Variants in SAMD4A observed in about 807,000 individuals in gnomAD.
SAMD4A encodes protein Smaug homolog 1.
A neutral mutation model predicts 81.3 loss-of-function variants in SAMD4A; 33 were observed. The ratio of observed to expected loss-of-function variants is 0.41; its 90% CI spans 0.31 to 0.54. SAMD4A has a LOEUF of 0.54. Ranked by LOEUF, SAMD4A falls within the 20% of genes least tolerant of loss-of-function variation. The pLI is 0.37. For missense variants in SAMD4A, 854 were observed against 951.1 expected, an observed-to-expected ratio of 0.90 and a Z score of 1.34; for synonymous variants, 389 against 382.1, an observed-to-expected ratio of 1.02 and a Z score of -0.21.
intron 3 of SAMD4A, among the ~76,000 whole-genome samples, chr14:54,706,613 A>G (rs556906909): frequency 8.4e-5 from 12 of 142,620 alleles, no homozygotes; most frequent in South Asian, 2.2e-4. Context: ...TCAAAAAAAA[A>G]AAAGAAAGAA....
At chr14:54,568,986 A>G (rs761227128) in intron 2 of SAMD4A, among the ~76,000 whole-genome samples, 1 of 152,008 alleles carries the variant, frequency 6.6e-6, no homozygotes, top group East Asian at 1.9e-4. Flanking sequence ...GGGTGGTGAC[A>G]GACTGAAATT....
chr14:54,769,310 T>C (rs1453976049), intron 8 of SAMD4A, among the ~76,000 whole-genome samples: 1 of 152,230 alleles, frequency 6.6e-6, no homozygotes, highest in African/African-American at 2.4e-5. Context: ...TTTGACTGTC[T>C]CCTTGGGTGA....
intron 2 of SAMD4A, among the ~76,000 whole-genome samples, chr14:54,623,008 C>T (rs944353007): frequency 2.0e-5 from 3 of 152,218 alleles, no homozygotes; most frequent in Non-Finnish European, 4.4e-5. Flanking sequence ...TTTCCGTCAC[C>T]TCCACTAGAC....
At chr14:54,745,511 C>T (rs965989646) in intron 4 of SAMD4A, among the ~76,000 whole-genome samples, 1 of 152,136 alleles carries the variant, frequency 6.6e-6, no homozygotes, top group African/African-American at 2.4e-5. Context: ...CCCTAGAACC[C>T]TATGTATACT....
intron 6 of SAMD4A, among the ~76,000 whole-genome samples, chr14:54,757,493 A>G (rs1246965662): frequency 6.6e-6 from 1 of 151,506 alleles, no homozygotes; most frequent in Non-Finnish European, 1.5e-5. Context: ...TGAATGGGGC[A>G]TGCATATGTT....
At chr14:54,628,520 G>A (rs1419501895) in intron 2 of SAMD4A, among the ~76,000 whole-genome samples, 1 of 152,184 alleles carries the variant, frequency 6.6e-6, no homozygotes, top group East Asian at 1.9e-4. Flanking sequence ...TAGGCCTTCA[G>A]TAGGTGCTAT....
chr14:54,748,309 C>A (rs1177002313), intron 4 of SAMD4A, among the ~76,000 whole-genome samples: 1 of 152,202 alleles, frequency 6.6e-6, no homozygotes, highest in African/African-American at 2.4e-5. Flanking sequence ...GTGGCTGAAA[C>A]AGTGTGTGAA....
rs201482871 is a variant in SAMD4A, at chr14:54,702,562, G to A, written c.697G>A (p.Gly233Arg). The change falls in exon 3 of 13, where the codon GGA becomes AGA. Residue 233 changes from glycine (G) to arginine (R), a missense_variant. Around this residue, in one of 3 missense-constraint regions of SAMD4A, gnomAD observed 387 missense variants for 405.8 expected, o/e 0.95. Transcript: ENST00000554335. The part of the protein sequence containing the change: ...SSVPTTINTI[G>R]TSTSTILSGQ... ...TGTCCCCACCACAATCAATACGATT[G>A]GAACCAGCACAAGTACAAGTAAGTT... 555 of 1,614,030 alleles carry A rather than the reference G, an allele frequency of 3.4e-4. 14 individuals are homozygous for A. In the South Asian group the frequency reaches 5.0e-3, roughly 15 times the overall value.
intron 2 of SAMD4A, among the ~76,000 whole-genome samples, chr14:54,585,885 T>C (rs1189039622): frequency 6.6e-6 from 1 of 152,246 alleles, no homozygotes; most frequent in Non-Finnish European, 1.5e-5. Context: ...TTGCAAATTG[T>C]GCTGCTACAA....
At chr14:54,763,011 C>G (rs186252277) in intron 7 of SAMD4A, among the ~76,000 whole-genome samples, 5 of 151,966 alleles carry the variant, frequency 3.3e-5, no homozygotes, top group East Asian at 3.9e-4. Flanking sequence ...CCCGCCACCA[C>G]GCCTGGCTAA....
intron 2 of SAMD4A, among the ~76,000 whole-genome samples, chr14:54,700,044 T>C (rs948536907): frequency 6.6e-6 from 1 of 152,212 alleles, no homozygotes; most frequent in Admixed American, 6.5e-5. Context: ...TCTACCTCCT[T>C]GATCATTTTT....
intron 3 of SAMD4A, among the ~76,000 whole-genome samples, chr14:54,724,031 A>AGGAAGGAAGGAAGGAG (rs1468439534): frequency 3.7e-4 from 56 of 151,272 alleles, no homozygotes; most frequent in African/African-American, 1.3e-3. Flanking sequence ...GAAGGAAGGA[A>AGGAAGGAAGGAAGGAG]GGAAGGAAGG....
rs116794893 is a variant in SAMD4A, at chr14:54,580,762, C to G, written c.196+12650C>G. The stretch of plus-strand genomic sequence containing the variant: ...TCAAGGTACTGGTGTTGTTCACTAT[C>G]TGATTACCCTGTGCCTTAGTCACTT... On this transcript the variant is annotated intron_variant, in intron 2 of 12. Transcript: ENST00000554335. Among the ~76,000 whole-genome samples, 634 of 152,314 alleles carry G rather than the reference C, an allele frequency of 4.2e-3. 10 individuals carry two copies. The highest frequency in any genetic ancestry group is 0.015 in the African/African-American group (607 of 41,550).
At chr14:54,603,770 G>T (rs1271838990) in intron 2 of SAMD4A, among the ~76,000 whole-genome samples, 1 of 148,670 alleles carries the variant, frequency 6.7e-6, no homozygotes, top group African/African-American at 2.5e-5. Flanking sequence ...AAAAAAAAAA[G>T]AACTTTTGTA....
At chr14:54,613,187 A>AGGAAGGAAAG (rs1396373146) in intron 2 of SAMD4A, among the ~76,000 whole-genome samples, 4 of 151,868 alleles carry the variant, frequency 2.6e-5, no homozygotes, top group Non-Finnish European at 5.9e-5. Context: ...AAGGAAGAGA[A>AGGAAGGAAAG]GGAAGGAAAG....
chr14:54,676,800 A>C (rs2036003518), intron 2 of SAMD4A, among the ~76,000 whole-genome samples: 1 of 152,234 alleles, frequency 6.6e-6, no homozygotes, highest in African/African-American at 2.4e-5. Context: ...CCTTCATCTC[A>C]TAAACACAGT....
intron 2 of SAMD4A, among the ~76,000 whole-genome samples, chr14:54,641,391 A>C (rs1405984801): frequency 6.6e-6 from 1 of 152,192 alleles, no homozygotes; most frequent in Middle Eastern, 3.2e-3. Context: ...ATCACAACCT[A>C]GTCTTATTTG....
intron 3 of SAMD4A, among the ~76,000 whole-genome samples, chr14:54,706,346 T>C (rs2036856842): frequency 6.8e-6 from 1 of 147,376 alleles, no homozygotes; most frequent in African/African-American, 2.5e-5. Flanking sequence ...GGCTCACACC[T>C]GTAATCCCAG....
At chr14:54,611,180 G>T (rs2034344402) in intron 2 of SAMD4A, among the ~76,000 whole-genome samples, 2 of 152,210 alleles carry the variant, frequency 1.3e-5, no homozygotes, top group Non-Finnish European at 2.9e-5. Flanking sequence ...TCAAAGATTA[G>T]TTAATGAAGA....
Sources: gnomAD v4.1 joint callset for allele counts (sites outside exome capture counted in the v4.1 genomes callset) on GRCh38, gnomAD v4.1.1 for gene constraint, gnomAD v4.1.1 regional missense constraint, MANE v1.5 for transcripts, NCBI Gene and HGNC (gene_info 2026-07-23, HGNC 2026-07-21) for gene names.